The following GATAD2A variants were observed in gnomAD, a reference collection of about 807,000 sequenced individuals.
The protein encoded by GATAD2A is GATA zinc finger domain containing 2A.
Under a neutral mutation model 68.5 loss-of-function variants are expected in GATAD2A, and 12 were observed. The observed-to-expected ratio is 0.18, with a 90% CI of 0.11 to 0.28. GATAD2A has a LOEUF of 0.28. GATAD2A is among the 10% of genes least tolerant of loss of function. The pLI is 1.00. For synonymous variants in GATAD2A, 410 were observed against 375.3 expected, an observed-to-expected ratio of 1.09 and a Z score of -1.07; for missense variants, 755 against 868.5, an observed-to-expected ratio of 0.87 and a Z score of 1.64.
chr19:19,494,408 T>G (rs753235066), intron 5 of GATAD2A, 25 bp downstream of exon 5: 2 of 1,423,300 alleles, frequency 1.4e-6, no homozygotes, highest in South Asian at 1.1e-5. Context: ...TGCGTCTCAC[T>G]GGGTGCCCTG....
In GATAD2A at chr19:19,508,119, T is replaced by C. The variant is rs1439887441; in HGVS notation, c.*2645T>C. On this transcript the variant is annotated 3_prime_UTR_variant, in exon 12 of 12. Transcript: ENST00000683918. ...ATGTGGGAGCCCCCAGCCCAACTGA[T>C]TGTAACTGTCCCCTGTTACCTGTGA... 2 of 152,254 alleles carry C rather than the reference T, an allele frequency of 1.3e-5. No individual in the cohort carries two copies. The highest frequency in any genetic ancestry group is 3.9e-4 in the East Asian group (2 of 5,192). 9.4% of individuals were successfully genotyped at this position (152,254 alleles called of 1,614,324 possible).
At chr19:19,436,530 T>C (rs1479972478) in intron 1 of GATAD2A, among the ~76,000 whole-genome samples, 1 of 152,258 alleles carries the variant, frequency 6.6e-6, no homozygotes, top group Non-Finnish European at 1.5e-5. Flanking sequence ...GCCTTTGCCC[T>C]CTGGCCATTC....
intron 2 of GATAD2A, among the ~76,000 whole-genome samples, chr19:19,489,203 C>G (rs2148352944): frequency 6.6e-6 from 1 of 152,364 alleles, no homozygotes; most frequent in East Asian, 1.9e-4. Flanking sequence ...GTAGAGGTGA[C>G]TGGAGCCTGT....
chr19:19,493,087 C>T (rs1203589583), intron 4 of GATAD2A, among the ~76,000 whole-genome samples: 6 of 152,102 alleles, frequency 3.9e-5, no homozygotes, highest in African/African-American at 9.7e-5. Flanking sequence ...ACTACAGGCG[C>T]GTGCCACCAC....
At chr19:19,411,842 C>T (rs2050964843) in intron 1 of GATAD2A, among the ~76,000 whole-genome samples, 1 of 152,228 alleles carries the variant, frequency 6.6e-6, no homozygotes, top group African/African-American at 2.4e-5. Flanking sequence ...GATTCTTGAA[C>T]ACCTCATATC....
At chr19:19,429,965 C>T (rs1489212689) in intron 1 of GATAD2A, among the ~76,000 whole-genome samples, 1 of 152,090 alleles carries the variant, frequency 6.6e-6, no homozygotes, top group East Asian at 1.9e-4. Flanking sequence ...GTGCCTCTCC[C>T]CTGACTTCTT....
At chr19:19,402,014 G>C (rs2049795625), upstream of GATAD2A, 1 of 152,090 alleles carries the variant, frequency 6.6e-6, no homozygotes, top group Non-Finnish European at 1.5e-5. Flanking sequence ...AGTGGGGTTT[G>C]GTCTATGAAA....
chr19:19,415,447 G>A (rs991573963), intron 1 of GATAD2A, among the ~76,000 whole-genome samples: 2 of 149,594 alleles, frequency 1.3e-5, no homozygotes, highest in South Asian at 2.1e-4. Context: ...GAGCCACCAC[G>A]CCCAGCCTTT....
intron 2 of GATAD2A, among the ~76,000 whole-genome samples, chr19:19,471,211 G>A (rs549667583): frequency 2.0e-5 from 3 of 149,926 alleles, no homozygotes; most frequent in South Asian, 2.1e-4. Flanking sequence ...AGCCGAGATC[G>A]TGCCGCTGTA....
chr19:19,390,980 AG>A (rs1163098753), intron 1 of GATAD2A, among the ~76,000 whole-genome samples: 2 of 152,126 alleles, frequency 1.3e-5, no homozygotes, highest in Non-Finnish European at 2.9e-5. Flanking sequence ...CAAGCTCCCA[AG>A]GCCCAGAGGG....
At chr19:19,504,426 G>C (rs1049271153) in intron 11 of GATAD2A, among the ~76,000 whole-genome samples, 1 of 152,100 alleles carries the variant, frequency 6.6e-6, no homozygotes, top group Non-Finnish European at 1.5e-5. Flanking sequence ...TTCACTTGAG[G>C]GTCCTTTGTG....
At chr19:19,462,427 C>T (rs2057517357) in intron 1 of GATAD2A, among the ~76,000 whole-genome samples, 1 of 152,240 alleles carries the variant, frequency 6.6e-6, no homozygotes, top group African/African-American at 2.4e-5. Flanking sequence ...CCTGTCCTTC[C>T]TGAGGTGGGG....
chr19:19,494,299 A>G lies in GATAD2A; in HGVS notation c.540A>G (p.Thr180=). 6.2e-7 allele frequency: 1 copy of G among 1,603,908 alleles called. No individual in the cohort carries two copies. Among genetic ancestry groups the G allele is most frequent in the Non-Finnish European group, 8.5e-7 (1 of 1,171,086 alleles). ...GGTGTCCTGCTCTCTTGCAGCCCAC[A>G]GGTTCTGTTGGGAGCACCGTGACCA... ...IQKEATAQKP[T]GSVGSTVTTP... is the part of the protein sequence containing the mutation. The change falls in exon 5 of 12, where the codon ACA becomes ACG. Residue 180 remains threonine (T), a synonymous_variant. Transcript: ENST00000683918.
chr19:19,492,264 G>C lies in GATAD2A; in HGVS notation c.270-42G>C, dbSNP rs1324096798. ...TCCACAGGGGTGGGCACTGGGTCCA[G>C]CTGTCAAGGGCGCTCTGGTCACTAC... On this transcript the variant is annotated intron_variant, in intron 2 of 11. Transcript: ENST00000683918. 1.9e-6 allele frequency: 3 copies of C among 1,573,826 alleles called. No homozygotes were observed. The Admixed American group carries it at 5.5e-5, about 29-fold the overall frequency.
rs570677100 is a variant in GATAD2A, at chr19:19,442,741, C to T, written c.-6-22599C>T. ...CCTGAGCTCAGGAGTTGGAGTCTAG[C>T]CTGAGCAATGTAGCAGGACCCCCCA... is the stretch of plus-strand genomic sequence containing the variant. On this transcript the variant is annotated intron_variant, in intron 1 of 11. Transcript: ENST00000683918. Among the ~76,000 whole-genome samples the T allele has an allele frequency of 2.9e-4, 44 of 150,550 alleles. 1 individual carries two copies. The highest frequency in any genetic ancestry group is 5.2e-4 in the Non-Finnish European group (35 of 67,750).
chr19:19,388,253 C>A (rs1485961192), intron 1 of GATAD2A, among the ~76,000 whole-genome samples: 5 of 152,136 alleles, frequency 3.3e-5, no homozygotes, highest in Non-Finnish European at 5.9e-5. Flanking sequence ...GATGGGGTTT[C>A]TCCATGTGGG....
chr19:19,490,437 G>A (rs990491737), intron 2 of GATAD2A, among the ~76,000 whole-genome samples: 5 of 152,110 alleles, frequency 3.3e-5, no homozygotes, highest in Non-Finnish European at 2.9e-5. Flanking sequence ...TCATCCTAGC[G>A]ACTCTCCTCA....
chr19:19,455,354 G>C (rs2056829297), intron 1 of GATAD2A, among the ~76,000 whole-genome samples: 1 of 152,128 alleles, frequency 6.6e-6, no homozygotes, highest in South Asian at 2.1e-4. Context: ...GCCAGGCGTG[G>C]TGGCATGTGC....
intron 2 of GATAD2A, among the ~76,000 whole-genome samples, chr19:19,481,584 C>G (rs1484975549): frequency 6.6e-6 from 1 of 152,156 alleles, no homozygotes; most frequent in African/African-American, 2.4e-5. Context: ...CCTCAGCCTC[C>G]CAAAGCGCTG....
Sources: allele counts gnomAD v4.1 joint callset (sites outside exome capture counted in the v4.1 genomes callset), GRCh38; gene constraint gnomAD v4.1.1; transcripts MANE v1.5; gene names NCBI Gene and HGNC (gene_info 2026-07-23, HGNC 2026-07-21).